ZC3H13: variants seen among roughly 807,000 people sequenced by gnomAD.
ZC3H13 encodes the protein zinc finger CCCH-type containing 13.
Under a neutral mutation model 204.1 loss-of-function variants are expected in ZC3H13, and 64 were observed. The ratio of observed to expected loss-of-function variants is 0.31; its 90% confidence interval spans 0.26 to 0.39. The LOEUF (loss-of-function observed/expected upper bound fraction) is 0.39, where lower values mean the gene tolerates loss of function less well. ZC3H13 is among the 10% of genes least tolerant of loss of function. The pLI is 1.00. For synonymous variants in ZC3H13, 667 were observed against 693.7 expected (o/e 0.96, Z 0.60); for missense variants, 1,833 against 2,082.7 (o/e 0.88, Z 2.33).
At chr13:45,978,383 T>A (rs912180542) in intron 11 of ZC3H13, among the ~76,000 whole-genome samples, 5 of 152,104 alleles carry the variant, frequency 3.3e-5, no homozygotes, top group African/African-American at 1.2e-4. Context: ...ATACATCTCA[T>A]AATTATTGAA....
At chr13:46,049,565 TTATC>T (rs2044255578) in intron 1 of ZC3H13, among the ~76,000 whole-genome samples, 1 of 152,178 alleles carries the variant, frequency 6.6e-6, no homozygotes, top group African/African-American at 2.4e-5. Flanking sequence ...AAAATCCCAT[TTATC>T]TAAAAATATA....
At chr13:46,045,844 T>C (rs533319153) in intron 1 of ZC3H13, among the ~76,000 whole-genome samples, 4 of 152,350 alleles carry the variant, frequency 2.6e-5, no homozygotes, top group Admixed American at 2.6e-4. Context: ...ACAAAATGTT[T>C]ACTTTATAAA....
rs760899850 is a variant in ZC3H13, at chr13:45,970,508, CAA to C, written c.2469-45_2469-44del. ...ACACAATTTATAAAATTCTAGGGGG[CAA>C]AAAAAGAGATTTTTTTGTTTTTACT... On this transcript the variant is annotated intron_variant, in intron 12 of 18. Transcript: ENST00000679008. 13 of 1,558,742 alleles carry C rather than the reference CAA, an allele frequency of 8.3e-6. No homozygotes were observed. In the African/African-American group the frequency reaches 9.7e-5, roughly 12 times the overall value.
intron 8 of ZC3H13, among the ~76,000 whole-genome samples, chr13:45,997,836 A>C (rs76686013): frequency 6.6e-6 from 1 of 152,084 alleles, no homozygotes; most frequent in Non-Finnish European, 1.5e-5. Context: ...GGAAAAAAAA[A>C]CAAACCCAAA....
rs968381453 is a variant in ZC3H13, at chr13:45,969,367, T to C, written c.3177A>G (p.Lys1059=). ...KNGILEDSQK[K]EDTAFSDWSD... is the part of the protein sequence containing the mutation. ...ACCAGTCACTGAATGCTGTATCTTCTTTTTTCTGGGAGTCCTCTAGAATAC... is the reference window on the plus strand; with the variant it reads ...ACCAGTCACTGAATGCTGTATCTTCCTTTTTCTGGGAGTCCTCTAGAATAC... Residue 1059 remains lysine, a synonymous_variant, in exon 14 of 19, where the codon AAA becomes AAG. Coordinates refer to ENST00000679008, the MANE Select transcript of ZC3H13 (RefSeq NM_001330564.2). The C allele has an allele frequency of 4.3e-6, 7 of 1,613,954 alleles. No homozygotes were observed. The highest frequency in any genetic ancestry group is 5.1e-6 in the Non-Finnish European group (6 of 1,180,034).
rs776022362 is a variant in ZC3H13 at position 45,970,382 on chromosome 13, T to C, written c.2552A>G (p.Tyr851Cys). ...CTTACTTTTATCATCTCCACTGTTG[T>C]AGGCATCACTGTCCGGAGAATGTTC... Reference protein sequence around the residue: ...RREHSPDSDAYNSGDDKNEKH... With the variant: ...RREHSPDSDACNSGDDKNEKH... Residue 851 changes from tyrosine to cysteine, a missense_variant, in exon 13 of 19, where the codon TAC (tyrosine) becomes TGC (cysteine). This residue lies in a region of ZC3H13 where 1,574 missense variants were observed against 1,757.2 expected (regional missense o/e 0.90). Coordinates refer to ENST00000679008, the MANE Select transcript of ZC3H13 (RefSeq NM_001330564.2). 9.9e-6 allele frequency: 16 copies of C among 1,613,800 alleles called. No individual in the cohort carries two copies. The Admixed American group carries it at 1.0e-4, about 10-fold the overall frequency.
rs369039751 is a variant in ZC3H13 at position 45,957,086 on chromosome 13, G to C, written c.*41C>G. The stretch of plus-strand genomic sequence containing the variant: ...ACTTTGCAAAAGAATATGCACTGCT[G>C]AAGGAAGACAGTACCAAAAATACCA... On this transcript the variant is annotated 3_prime_UTR_variant, in exon 19 of 19. Transcript: ENST00000679008. 1.4e-6 allele frequency: 2 copies of C among 1,391,208 alleles called. No individual in the cohort carries two copies. Among genetic ancestry groups the C allele is most frequent in the Non-Finnish European group, 9.4e-7 (1 of 1,058,804 alleles). The allele number at this position is 1,391,208 out of a possible 1,614,324, so 86.2% of individuals were successfully genotyped here.
rs774852345 is a variant in ZC3H13, at chr13:45,988,776, A to C, written c.1255+11T>G. The stretch of plus-strand genomic sequence containing the variant: ...ATTTTTCAATTAAAAAAATCAAAGT[A>C]CAGTACACACCTTCCCTCCTTTCAT... On this transcript the variant is annotated intron_variant, in intron 9 of 18. Coordinates refer to ENST00000679008, the MANE Select transcript of ZC3H13 (RefSeq NM_001330564.2). 1 of 1,601,876 alleles carries C rather than the reference A, an allele frequency of 6.2e-7. No individual in the cohort carries two copies. The highest frequency in any genetic ancestry group is 1.1e-5 in the South Asian group (1 of 89,896).
intron 3 of ZC3H13, among the ~76,000 whole-genome samples, chr13:46,044,530 T>C (rs557755353): frequency 1.2e-4 from 18 of 152,220 alleles, no homozygotes; most frequent in African/African-American, 3.9e-4. Context: ...TTTTAACCTA[T>C]AGAATTTGTA....
intron 4 of ZC3H13, among the ~76,000 whole-genome samples, chr13:46,032,090 T>C (rs1247168711): frequency 6.6e-6 from 1 of 152,086 alleles, no homozygotes; most frequent in Non-Finnish European, 1.5e-5. Context: ...CTATGAGTAA[T>C]AATAATGTGT....
intron 17 of ZC3H13, among the ~76,000 whole-genome samples, chr13:45,961,388 T>C (rs900861317): frequency 6.6e-6 from 1 of 151,798 alleles, no homozygotes; most frequent in African/African-American, 2.4e-5. Flanking sequence ...TCAGGGAGTA[T>C]AAAACATGAC....
In ZC3H13 at chr13:45,954,763, A is replaced by G. The variant is rs145649799; in HGVS notation, c.*2364T>C. Reference sequence around the variant, plus strand: ...ACTTACAGAACAGATTTTCAAGTTAATAAGTCATAAAATCCTAATGTAGTC... The same window carrying G: ...ACTTACAGAACAGATTTTCAAGTTAGTAAGTCATAAAATCCTAATGTAGTC... On this transcript the variant is annotated 3_prime_UTR_variant, in exon 19 of 19. Transcript: ENST00000679008. 81 of 152,364 alleles carry G rather than the reference A, an allele frequency of 5.3e-4. No individual in the cohort carries two copies. Among genetic ancestry groups the G allele is most frequent in the African/African-American group, 1.7e-3 (70 of 41,588 alleles). 9.4% of individuals were successfully genotyped at this position (152,364 alleles called of 1,614,324 possible).
intron 12 of ZC3H13, among the ~76,000 whole-genome samples, chr13:45,973,114 A>G (rs1952722557): frequency 6.6e-6 from 1 of 152,252 alleles, no homozygotes; most frequent in South Asian, 2.1e-4. Context: ...TGTTGTTTTA[A>G]GCTACTAACT....
At chr13:45,962,351 T>A in intron 17 of ZC3H13, 1 of 985,422 alleles carries the variant, frequency 1.0e-6, no homozygotes, top group Non-Finnish European at 1.2e-6. Flanking sequence ...CCGAACTGTA[T>A]TTCATGGGTA....
chr13:46,047,608 C>A (rs1001116264), intron 1 of ZC3H13, among the ~76,000 whole-genome samples: 4 of 63,184 alleles, frequency 6.3e-5, no homozygotes, highest in Admixed American at 1.5e-4. Context: ...CACGAAAAAA[C>A]TGAAAGCTAA....
At chr13:45,976,976 T>C (rs1836364733) in intron 11 of ZC3H13, among the ~76,000 whole-genome samples, 2 of 152,192 alleles carry the variant, frequency 1.3e-5, no homozygotes, top group African/African-American at 4.8e-5. Flanking sequence ...AATTATCTTA[T>C]CTTTACTATT....
At chr13:45,957,586 GACAAA>G (rs1199950069) in intron 18 of ZC3H13, among the ~76,000 whole-genome samples, 3 of 152,110 alleles carry the variant, frequency 2.0e-5, no homozygotes, top group African/African-American at 7.2e-5. Flanking sequence ...CATTTCCAAT[GACAAA>G]ACAAACAAAA....
intron 10 of ZC3H13, among the ~76,000 whole-genome samples, chr13:45,980,483 G>A (rs1358106300): frequency 1.3e-5 from 2 of 152,180 alleles, no homozygotes; most frequent in Admixed American, 1.3e-4. Context: ...AATGTTCACA[G>A]TGGCTTTGTT....
Position 45,955,224 on chromosome 13 carries a change from G to A in ZC3H13, c.*1903C>T, listed in dbSNP as rs929247502. On this transcript the variant is annotated 3_prime_UTR_variant, in exon 19 of 19. Coordinates refer to ENST00000679008, the MANE Select transcript of ZC3H13 (RefSeq NM_001330564.2). Reference sequence around the variant, plus strand: ...AATTATGGTCCAAGAGCTTTTATGAGAAATTCAATCAAAAATTTTGCTTTA... The same window carrying A: ...AATTATGGTCCAAGAGCTTTTATGAAAAATTCAATCAAAAATTTTGCTTTA... 9 of 152,136 alleles carry A rather than the reference G, an allele frequency of 5.9e-5. No homozygotes were observed. The highest frequency in any genetic ancestry group is 9.7e-5 in the African/African-American group (4 of 41,430). 9.4% of individuals were successfully genotyped at this position (152,136 alleles called of 1,614,324 possible). A position where few individuals can be genotyped will look rare whatever the true frequency, so the allele number is the denominator to read the frequency against.
Sources: gnomAD v4.1 joint callset for allele counts (sites outside exome capture counted in the v4.1 genomes callset) on GRCh38, gnomAD v4.1.1 for gene constraint, gnomAD v4.1.1 regional missense constraint, MANE v1.5 for transcripts, NCBI Gene and HGNC (gene_info 2026-07-23, HGNC 2026-07-21) for gene names.